The following CSMD1 variants were observed in gnomAD, a reference collection of about 807,000 sequenced individuals.
CSMD1 encodes CUB and sushi domain-containing protein 1.
CSMD1 carries 213 observed loss-of-function variants against 417.5 expected under a neutral mutation model. The observed-to-expected ratio is 0.51, with a 90% CI of 0.46 to 0.57. The LOEUF (loss-of-function observed/expected upper bound fraction) is 0.57, where lower values mean the gene tolerates loss of function less well. Among genes scored for constraint, CSMD1 ranks in the 20% least tolerant of loss-of-function variants. The pLI is 0.00. For synonymous variants in CSMD1, 2,862 were observed against 1,736.8 expected (o/e 1.65, Z -16.11); for missense variants, 6,923 against 4,529.7 (o/e 1.53, Z -15.17).
intron 12 of CSMD1, among the ~76,000 whole-genome samples, chr8:3,427,214 A>G (rs77279615): frequency 0.037 from 5,700 of 152,308 alleles, 194 homozygotes; most frequent in East Asian, 0.1. Flanking sequence ...CTGAATAAGC[A>G]TAACAAGAAC....
intron 3 of CSMD1, among the ~76,000 whole-genome samples, chr8:4,291,972 T>C (rs999189207): frequency 6.6e-6 from 1 of 152,336 alleles, no homozygotes; most frequent in Non-Finnish European, 1.5e-5. Flanking sequence ...AAGGAATTTC[T>C]TTCATCAGAG....
At chr8:4,184,497 G>A (rs550185382) in intron 3 of CSMD1, among the ~76,000 whole-genome samples, 1 of 152,236 alleles carries the variant, frequency 6.6e-6, no homozygotes, top group African/African-American at 2.4e-5. Context: ...TAAAGAAAAT[G>A]TGGCATGTAT....
rs558803391 is a variant in CSMD1, at chr8:4,113,651, G to A, written c.416-81552C>T. ...GAACTCCTGACCTCCTGATCCACCC[G>A]CCTCCACCTCCCAAAGTGCTAGGAT... On this transcript the variant is annotated intron_variant, in intron 3 of 69. Coordinates refer to ENST00000635120, the MANE Select transcript of CSMD1 (RefSeq NM_033225.6). Among the ~76,000 whole-genome samples the A allele has an allele frequency of 1.3e-3, 200 of 152,122 alleles. 1 individual carries two copies. Among genetic ancestry groups the A allele is most frequent in the African/African-American group, 4.5e-3 (186 of 41,516 alleles).
intron 1 of CSMD1, among the ~76,000 whole-genome samples, chr8:4,927,535 T>C (rs910946701): frequency 1.1e-4 from 17 of 152,042 alleles, no homozygotes; most frequent in African/African-American, 4.1e-4. Context: ...AGCAAGTGAG[T>C]TGGAAAGGGG....
At chr8:3,766,495 G>C (rs936581540) in intron 5 of CSMD1, among the ~76,000 whole-genome samples, 1 of 152,194 alleles carries the variant, frequency 6.6e-6, no homozygotes, top group East Asian at 1.9e-4. Context: ...CAAACAGGGA[G>C]ACACCCTTTG....
chr8:4,684,321 T>C (rs1806233407), intron 1 of CSMD1, among the ~76,000 whole-genome samples: 1 of 152,196 alleles, frequency 6.6e-6, no homozygotes, highest in African/African-American at 2.4e-5. Flanking sequence ...CGGTTTTCTG[T>C]TTGTCCAACA....
At chr8:3,941,266 C>G (rs145162213) in intron 5 of CSMD1, among the ~76,000 whole-genome samples, 78 of 152,262 alleles carry the variant, frequency 5.1e-4, no homozygotes, top group African/African-American at 1.8e-3. Context: ...ACCTGACTTG[C>G]TGAATTACAA....
intron 10 of CSMD1, among the ~76,000 whole-genome samples, chr8:3,548,310 C>A (rs1205070362): frequency 6.6e-6 from 1 of 152,020 alleles, no homozygotes; most frequent in Non-Finnish European, 1.5e-5. Context: ...TTTTTTATTT[C>A]CATAGGTAAT....
chr8:4,731,705 T>C (rs907521061), intron 1 of CSMD1, among the ~76,000 whole-genome samples: 3 of 152,160 alleles, frequency 2.0e-5, no homozygotes, highest in African/African-American at 7.2e-5. Context: ...AAAGCTCCAA[T>C]GGGTTCACGA....
chr8:4,862,169 G>C lies in CSMD1; in HGVS notation c.85+132163C>G, dbSNP rs139125191. ...TCAGGGAGTGAACGGGAGCTGAGGT[G>C]GGAGTGGTTTATTGTTCCTTGAACC... is the stretch of plus-strand genomic sequence containing the variant. On this transcript the variant is annotated intron_variant, in intron 1 of 69. Transcript: ENST00000635120. Among the ~76,000 whole-genome samples, 251 of 152,084 alleles carry C rather than the reference G, an allele frequency of 1.7e-3. 6 individuals are homozygous for C. Among genetic ancestry groups the C allele is most frequent in the African/African-American group, 5.8e-3 (241 of 41,432 alleles).
At chr8:4,289,523 G>T (rs923667046) in intron 3 of CSMD1, among the ~76,000 whole-genome samples, 1 of 152,280 alleles carries the variant, frequency 6.6e-6, no homozygotes, top group South Asian at 2.1e-4. Context: ...GTATGAGCAA[G>T]ATGTAACACT....
At position 2,988,094 on chromosome 8, in the gene CSMD1, T is replaced by C. The variant is rs141899007; in HGVS notation, c.8378-9294A>G. Among the ~76,000 whole-genome samples, 888 of 152,332 alleles carry C rather than the reference T, an allele frequency of 5.8e-3. 7 individuals are homozygous for C. Among genetic ancestry groups the C allele is most frequent in the African/African-American group, 0.02 (847 of 41,580 alleles). ...TATTTTAACATTAGCTTACATTTCC[T>C]TTAATTTTAAAATTTTACTATTTTA... On this transcript the variant is annotated intron_variant, in intron 54 of 69. Transcript: ENST00000635120.
chr8:3,672,339 C>G (rs1799116697), intron 7 of CSMD1, among the ~76,000 whole-genome samples: 2 of 129,612 alleles, frequency 1.5e-5, no homozygotes, highest in Non-Finnish European at 3.3e-5. Context: ...TGACCTTCCC[C>G]TTTTTCAGTT....
intron 17 of CSMD1, among the ~76,000 whole-genome samples, chr8:3,388,170 A>C (rs1037650328): frequency 3.0e-4 from 45 of 152,278 alleles, no homozygotes; most frequent in African/African-American, 1.0e-3. Flanking sequence ...GCAATTAAAA[A>C]CTGTGCTAGT....
intron 3 of CSMD1, among the ~76,000 whole-genome samples, chr8:4,053,179 T>G (rs993520349): frequency 2.6e-5 from 4 of 152,154 alleles, no homozygotes; most frequent in East Asian, 3.9e-4. Flanking sequence ...AGGTGCAAAT[T>G]TGAAGCCTGA....
intron 1 of CSMD1, among the ~76,000 whole-genome samples, chr8:4,947,955 T>A (rs1016105674): frequency 6.6e-6 from 1 of 152,092 alleles, no homozygotes; most frequent in African/African-American, 2.4e-5. Flanking sequence ...TTCCTATTGT[T>A]TTCTTTTTTT....
At chr8:3,845,322 C>A (rs34950531) in intron 5 of CSMD1, among the ~76,000 whole-genome samples, 2 of 152,004 alleles carry the variant, frequency 1.3e-5, no homozygotes, top group Admixed American at 6.6e-5. Context: ...CTACCACACA[C>A]TGAGGCTCTA....
intron 37 of CSMD1, among the ~76,000 whole-genome samples, chr8:3,176,922 G>A (rs555049603): frequency 6.6e-6 from 1 of 152,078 alleles, no homozygotes; most frequent in East Asian, 1.9e-4. Flanking sequence ...GGGACTACAG[G>A]TGAGGCCACC....
intron 31 of CSMD1, among the ~76,000 whole-genome samples, chr8:3,203,834 T>C (rs1301733695): frequency 6.6e-6 from 1 of 152,218 alleles, no homozygotes; most frequent in African/African-American, 2.4e-5. Flanking sequence ...TTATTAATAA[T>C]ATCGCTTCGC....
Sources: allele counts gnomAD v4.1 joint callset (sites outside exome capture counted in the v4.1 genomes callset), GRCh38; gene constraint gnomAD v4.1.1; transcripts MANE v1.5; gene names NCBI Gene and HGNC (gene_info 2026-07-23, HGNC 2026-07-21).